RAPGEF4: variants seen among roughly 807,000 people sequenced by gnomAD.
RAPGEF4 encodes RAP guanine-nucleotide-exchange factor (GEF) 4.
In RAPGEF4, 66 loss-of-function variants were observed where a neutral mutation model predicts 147.9. The observed-to-expected ratio is 0.45, with a 90% CI of 0.37 to 0.55. The LOEUF is 0.55. Among genes scored for constraint, RAPGEF4 ranks in the 20% least tolerant of loss-of-function variants. RAPGEF4 has a pLI of 0.00. For synonymous variants in RAPGEF4, 419 were observed against 442.7 expected (o/e 0.95, Z 0.67); for missense variants, 1,071 against 1,257.3 (o/e 0.85, Z 2.24).
chr2:172,969,929 T>G (rs1690276015), intron 10 of RAPGEF4, among the ~76,000 whole-genome samples: 2 of 152,176 alleles, frequency 1.3e-5, no homozygotes, highest in South Asian at 4.1e-4. Context: ...ACTCTTCCAT[T>G]ATATCGCTAG....
intron 5 of RAPGEF4, among the ~76,000 whole-genome samples, chr2:172,922,057 G>C (rs560720965): frequency 6.6e-6 from 1 of 152,342 alleles, no homozygotes; most frequent in Non-Finnish European, 1.5e-5. Flanking sequence ...AAATAAGCCT[G>C]GGTTTTGGTG....
In RAPGEF4 at chr2:172,911,900, C is replaced by T. The variant is rs966985757; in HGVS notation, c.445-5902C>T. Among the ~76,000 whole-genome samples the T allele has an allele frequency of 4.0e-5, 6 of 151,302 alleles. No individual in the cohort carries two copies. In the East Asian group the frequency reaches 5.8e-4, roughly 15 times the overall value. On this transcript the variant is annotated intron_variant, in intron 4 of 30. Transcript: ENST00000397081. ...TCCCACCTCAGCCTCCCCAGTAGCC[C>T]GGATTACAGGTACACGCCACCAGGC...
intron 4 of RAPGEF4, among the ~76,000 whole-genome samples, chr2:172,846,710 C>T (rs889035017): frequency 9.2e-5 from 14 of 152,182 alleles, no homozygotes; most frequent in African/African-American, 2.4e-4. Context: ...CTTGAGATTT[C>T]CGCTTTACTG....
At chr2:173,005,520 G>GTTTTTTTTTTTTTTTTTTTT (rs573596077) in intron 17 of RAPGEF4, among the ~76,000 whole-genome samples, 12 of 86,718 alleles carry the variant, frequency 1.4e-4, no homozygotes, top group East Asian at 6.6e-4. Context: ...GTTGTTTTGT[G>GTTTTTTTTTTTTTTTTTTTT]TTTTTTTTTT....
intron 23 of RAPGEF4, among the ~76,000 whole-genome samples, chr2:173,026,121 C>T (rs1363563105): frequency 1.3e-5 from 2 of 152,190 alleles, no homozygotes; most frequent in African/African-American, 4.8e-5. Flanking sequence ...GCAGTGTTAC[C>T]ATGGCCACCG....
intron 1 of RAPGEF4, among the ~76,000 whole-genome samples, chr2:172,789,819 C>G (rs566672849): frequency 7.2e-5 from 11 of 152,224 alleles, no homozygotes; most frequent in Middle Eastern, 3.4e-3. Context: ...AAATAATACT[C>G]CATTGTGTGT....
intron 4 of RAPGEF4, among the ~76,000 whole-genome samples, chr2:172,903,666 T>C (rs1211140294): frequency 1.3e-5 from 2 of 152,106 alleles, no homozygotes; most frequent in Non-Finnish European, 2.9e-5. Context: ...TAGTGACCAA[T>C]GTGCATGGAT....
intron 1 of RAPGEF4, among the ~76,000 whole-genome samples, chr2:172,780,269 C>T (rs538232537): frequency 6.6e-6 from 1 of 152,184 alleles, no homozygotes; most frequent in African/African-American, 2.4e-5. Flanking sequence ...TCCAGGCTCA[C>T]TATAGCATCT....
At chr2:172,757,968 A>G (rs1052811398) in intron 1 of RAPGEF4, among the ~76,000 whole-genome samples, 13 of 152,342 alleles carry the variant, frequency 8.5e-5, no homozygotes, top group Admixed American at 5.2e-4. Flanking sequence ...AACCATAAAC[A>G]TAATAAATAA....
chr2:172,793,788 G>C (rs1686061947), intron 1 of RAPGEF4, among the ~76,000 whole-genome samples: 1 of 152,154 alleles, frequency 6.6e-6, no homozygotes, highest in East Asian at 1.9e-4. Context: ...CAGTCAGCAG[G>C]TTGCATCTAT....
intron 6 of RAPGEF4, among the ~76,000 whole-genome samples, 200 bp downstream of exon 6, chr2:172,922,500 C>T (rs1684871793): frequency 6.6e-6 from 1 of 152,202 alleles, no homozygotes; most frequent in African/African-American, 2.4e-5. Context: ...ATGGTCGTCA[C>T]GTGTCCCTGA....
intron 8 of RAPGEF4, among the ~76,000 whole-genome samples, chr2:172,964,038 G>A (rs1689576313): frequency 6.6e-6 from 1 of 152,006 alleles, no homozygotes; most frequent in Non-Finnish European, 1.5e-5. Context: ...CTCTTTTTTT[G>A]TAAAGGTAAT....
chr2:172,801,878 C>T (rs959875428), intron 3 of RAPGEF4, among the ~76,000 whole-genome samples: 7 of 152,190 alleles, frequency 4.6e-5, no homozygotes, highest in South Asian at 2.1e-4. Context: ...ACAGCCCTCC[C>T]CTCTAAGCCC....
intron 5 of RAPGEF4, among the ~76,000 whole-genome samples, chr2:172,921,163 G>A (rs1429739420): frequency 6.6e-6 from 1 of 151,692 alleles, no homozygotes; most frequent in Non-Finnish European, 1.5e-5. Flanking sequence ...CACCCAGGCT[G>A]GAGTGCAGTG....
intron 15 of RAPGEF4, 114 bp downstream of exon 15, chr2:172,991,039 A>C: frequency 2.6e-6 from 2 of 755,406 alleles, no homozygotes; most frequent in Non-Finnish European, 4.4e-6. Context: ...AGTGTATGTG[A>C]CTTTTTTCCT....
chr2:172,863,501 A>G (rs954763809), intron 4 of RAPGEF4, among the ~76,000 whole-genome samples: 1 of 152,216 alleles, frequency 6.6e-6, no homozygotes, highest in Non-Finnish European at 1.5e-5. Context: ...CTGAGGGGAT[A>G]CAAATAGTGT....
Position 173,036,701 on chromosome 2 carries a change from A to G in RAPGEF4, c.2853+9A>G, listed in dbSNP as rs1190343230. 5.0e-6 allele frequency: 8 copies of G among 1,591,958 alleles called. No individual in the cohort carries two copies. The highest frequency in any genetic ancestry group is 2.2e-5 in the East Asian group (1 of 44,720). ...TAAACTTTGAAAAAATGGTATGTGC[A>G]GTATTATAACCTTAACCACAATGTG... On this transcript the variant is annotated intron_variant, in intron 29 of 30. Transcript: ENST00000397081.
chr2:173,039,644 A>G (rs1271769569), intron 29 of RAPGEF4, among the ~76,000 whole-genome samples: 1 of 152,114 alleles, frequency 6.6e-6, no homozygotes, highest in Non-Finnish European at 1.5e-5. Context: ...CCTTTTAAAG[A>G]TAGGGAAGAA....
chr2:172,880,823 A>C (rs533581974), intron 4 of RAPGEF4, among the ~76,000 whole-genome samples: 1 of 152,330 alleles, frequency 6.6e-6, no homozygotes, highest in South Asian at 2.1e-4. Flanking sequence ...GATTCAAGAG[A>C]TAGTGAACGC....
Sources: allele counts gnomAD v4.1 joint callset (sites outside exome capture counted in the v4.1 genomes callset), GRCh38; gene constraint gnomAD v4.1.1; transcripts MANE v1.5; gene names NCBI Gene and HGNC (gene_info 2026-07-23, HGNC 2026-07-21).